Variants in TXLNB observed in about 807,000 individuals in gnomAD.
TXLNB encodes taxilin beta.
TXLNB carries 37 observed loss-of-function variants against 57.4 expected under a neutral mutation model. That is an observed-to-expected ratio of 0.64 (90% CI 0.50 to 0.85). TXLNB has a LOEUF of 0.85. Ranked by LOEUF, TXLNB falls within the 40% of genes least tolerant of loss-of-function variation. TXLNB has a pLI of 0.00. For synonymous variants in TXLNB, 302 were observed against 309.6 expected, an observed-to-expected ratio of 0.98 and a Z score of 0.26; for missense variants, 848 against 825.6, an observed-to-expected ratio of 1.03 and a Z score of -0.33.
chr6:139,253,031 C>T (rs1250873679), intron 7 of TXLNB, among the ~76,000 whole-genome samples: 1 of 152,160 alleles, frequency 6.6e-6, no homozygotes, highest in Non-Finnish European at 1.5e-5. Context: ...ATATTTCCTT[C>T]TCATATTTCC....
the TXLNB span, among the ~76,000 whole-genome samples, chr6:139,159,649 C>T: frequency 1.3e-5 from 2 of 152,182 alleles, no homozygotes; most frequent in African/African-American, 4.8e-5. Flanking sequence ...TTCACCCTCT[C>T]TCTATTACTG....
the TXLNB span, among the ~76,000 whole-genome samples, chr6:139,172,283 G>A: frequency 6.6e-5 from 10 of 152,264 alleles, no homozygotes; most frequent in East Asian, 1.9e-3. Flanking sequence ...GTTTTTTAAA[G>A]CATTTTCAAC....
the TXLNB span, among the ~76,000 whole-genome samples, chr6:139,185,809 T>G: frequency 6.6e-6 from 1 of 152,190 alleles, no homozygotes; most frequent in Non-Finnish European, 1.5e-5. Context: ...TTCTAGTCCT[T>G]TTTCTTCTAC....
chr6:139,298,602 T>C, the TXLNB span, among the ~76,000 whole-genome samples: 1 of 152,144 alleles, frequency 6.6e-6, no homozygotes, highest in Non-Finnish European at 1.5e-5. Context: ...AGGGTAGAGT[T>C]GGATTTTAGT....
At position 139,243,234 on chromosome 6, in the gene TXLNB, T is replaced by A. The variant is rs1469769386; in HGVS notation, c.1347A>T (p.Glu449Asp). 2 of 1,614,110 alleles carry A rather than the reference T, an allele frequency of 1.2e-6. No individual in the cohort carries two copies. The highest frequency in any genetic ancestry group is 2.2e-5 in the South Asian group (2 of 91,074). Reference sequence around the variant, plus strand: ...TTTTTTTGTGGAGTTCGTTTCTCTCTTCTTGTAAAGCACGGCAGAGGTTCT... The same window carrying A: ...TTTTTTTGTGGAGTTCGTTTCTCTCATCTTGTAAAGCACGGCAGAGGTTCT... Reference protein sequence around the residue: ...RLENLCRALQEERNELHKKIR... With the variant: ...RLENLCRALQDERNELHKKIR... The change falls in exon 10 of 10, where the codon GAA (glutamate) becomes GAT (aspartate). Residue 449 changes from glutamate (E) to aspartate (D), a missense_variant. Coordinates refer to ENST00000358430, the MANE Select transcript of TXLNB (RefSeq NM_153235.4).
the TXLNB span, among the ~76,000 whole-genome samples, chr6:139,323,375 C>T: frequency 6.6e-6 from 1 of 151,748 alleles, no homozygotes; most frequent in African/African-American, 2.4e-5. Flanking sequence ...CTCCGCCTCC[C>T]GAGTTCAAGC....
the TXLNB span, among the ~76,000 whole-genome samples, chr6:139,201,121 A>T: frequency 6.6e-6 from 1 of 152,258 alleles, no homozygotes; most frequent in Non-Finnish European, 1.5e-5. Context: ...AATAAATTAA[A>T]AAATCCTTCA....
chr6:139,164,002 T>G, the TXLNB span, among the ~76,000 whole-genome samples: 1 of 152,086 alleles, frequency 6.6e-6, no homozygotes, highest in Non-Finnish European at 1.5e-5. Context: ...TTTTTCCATC[T>G]TCCCTGTCCT....
At position 139,260,372 on chromosome 6, in the gene TXLNB, C is replaced by A; in HGVS notation, c.948G>T (p.Gln316His). The A allele has an allele frequency of 6.2e-7, 1 of 1,614,092 alleles. No individual in the cohort carries two copies. The highest frequency in any genetic ancestry group is 8.5e-7 in the Non-Finnish European group (1 of 1,180,006). The change falls in exon 6 of 10, where the codon CAG (glutamine) becomes CAT (histidine). Residue 316 changes from glutamine (Q) to histidine (H), a missense_variant. Coordinates refer to ENST00000358430, the MANE Select transcript of TXLNB (RefSeq NM_153235.4). ...QQKLVDAKLEQAQEMMKEAEE... is the reference protein window; with the variant it reads ...QQKLVDAKLEHAQEMMKEAEE... ...CCGCTTCCTTCATCATTTCTTGGGC[C>A]TGCTCAAGCTTTGCATCCACCAGCT...
At chr6:139,277,072 T>C in intron 2 of TXLNB, 151 bp from the exon 3 acceptor site, 1 of 590,356 alleles carries the variant, frequency 1.7e-6, no homozygotes, top group East Asian at 2.9e-5. Flanking sequence ...ATAGAAATGA[T>C]GACACCTACC....
rs17068471 is a variant in TXLNB, at chr6:139,278,335, A to G, written c.425-1414T>C. Among the ~76,000 whole-genome samples, 964 of 152,286 alleles carry G rather than the reference A, an allele frequency of 6.3e-3. 10 individuals carry two copies. The highest frequency in any genetic ancestry group is 0.025 in the East Asian group (131 of 5,176). ...TTTTTTTTAAATGACCTCATTCCCA[A>G]CAGTTAGTTTTGTCTATCTTTGCCT... On this transcript the variant is annotated intron_variant, in intron 2 of 9. Transcript: ENST00000358430.
the TXLNB span, among the ~76,000 whole-genome samples, chr6:139,228,146 TCTCATCTCTGCTA>T: frequency 6.6e-6 from 1 of 152,192 alleles, no homozygotes; most frequent in African/African-American, 2.4e-5. Context: ...TCATGCTTCT[TCTCATCTCTGCTA>T]CTCATTGCTG....
At chr6:139,184,131 C>T in the TXLNB span, among the ~76,000 whole-genome samples, 2 of 152,114 alleles carry the variant, frequency 1.3e-5, no homozygotes, top group African/African-American at 2.4e-5. Flanking sequence ...TTGTCTCCTA[C>T]GAGGTTGGGT....
the TXLNB span, among the ~76,000 whole-genome samples, chr6:139,229,399 T>C: frequency 6.6e-6 from 1 of 152,200 alleles, no homozygotes; most frequent in East Asian, 1.9e-4. Context: ...CTTGGTTTAC[T>C]GCAAACTCCA....
rs1775899577 is a variant in TXLNB, at chr6:139,240,196, T to A, written c.*2330A>T. ...ACATACACTTGATAAAGAACAGACA[T>A]TCCTTCTGAATTTAGAACTTTATGA... On this transcript the variant is annotated 3_prime_UTR_variant, in exon 10 of 10. Coordinates refer to ENST00000358430, the MANE Select transcript of TXLNB (RefSeq NM_153235.4). 6.6e-6 allele frequency: 1 copy of A among 152,612 alleles called. No individual in the cohort carries two copies. The highest frequency in any genetic ancestry group is 2.4e-5 in the African/African-American group (1 of 41,454). 9.5% of individuals were successfully genotyped at this position (152,612 alleles called of 1,614,324 possible).
chr6:139,277,879 A>G (rs1390902360), intron 2 of TXLNB, among the ~76,000 whole-genome samples: 1 of 152,228 alleles, frequency 6.6e-6, no homozygotes, highest in Admixed American at 6.5e-5. Flanking sequence ...AAGAAAATTG[A>G]CAACCTTTCC....
At chr6:139,164,791 C>A in the TXLNB span, among the ~76,000 whole-genome samples, 1 of 150,496 alleles carries the variant, frequency 6.6e-6, no homozygotes. Flanking sequence ...ACCTCCCCCC[C>A]ACCGCCCCCC....
chr6:139,308,125 C>A, the TXLNB span, among the ~76,000 whole-genome samples: 6 of 152,142 alleles, frequency 3.9e-5, no homozygotes, highest in Non-Finnish European at 8.8e-5. Flanking sequence ...TGGACACCTA[C>A]CTACTGAGAG....
At chr6:139,210,555 C>T in the TXLNB span, among the ~76,000 whole-genome samples, 3 of 152,172 alleles carry the variant, frequency 2.0e-5, no homozygotes, top group East Asian at 1.9e-4. Context: ...CTAGCGTGAG[C>T]GACGCAGAAG....
Sources: gnomAD v4.1 joint callset for allele counts (sites outside exome capture counted in the v4.1 genomes callset) on GRCh38, gnomAD v4.1.1 for gene constraint, MANE v1.5 for transcripts, NCBI Gene and HGNC (gene_info 2026-07-23, HGNC 2026-07-21) for gene names.